Variants in FNDC1 observed in about 807,000 individuals in gnomAD.
FNDC1 encodes the protein fibronectin type III domain containing 1, also known as fibronectin type III domain-containing protein 1.
FNDC1 carries 96 observed loss-of-function variants against 168.0 expected under a neutral mutation model. The observed-to-expected ratio is 0.57, with a 90% CI of 0.48 to 0.68. The LOEUF (loss-of-function observed/expected upper bound fraction) is 0.68, where lower values mean the gene tolerates loss of function less well. Among genes scored for constraint, FNDC1 ranks in the 30% least tolerant of loss-of-function variants. The pLI, the probability that FNDC1 is intolerant of heterozygous loss-of-function variation, is 0.00. For missense variants in FNDC1, 2,587 were observed against 2,482.1 expected (o/e 1.04, Z -0.90); for synonymous variants, 1,099 against 1,025.9 (o/e 1.07, Z -1.36).
At chr6:159,252,609 G>T (rs1396479688) in intron 17 of FNDC1, among the ~76,000 whole-genome samples, 1 of 152,158 alleles carries the variant, frequency 6.6e-6, no homozygotes, top group Non-Finnish European at 1.5e-5. Flanking sequence ...TGCAGTCCTG[G>T]GTAGGTGCTA....
chr6:159,258,999 T>C (rs1188272892), intron 18 of FNDC1, among the ~76,000 whole-genome samples: 1 of 152,210 alleles, frequency 6.6e-6, no homozygotes, highest in African/African-American at 2.4e-5. Context: ...GTGAGCATTG[T>C]CTACCTTAGT....
In FNDC1 at chr6:159,266,106, A is replaced by G; in HGVS notation, c.5307A>G (p.Pro1769=). Residue 1769 remains proline, a synonymous_variant, in exon 21 of 23, where the codon CCA becomes CCG. Coordinates refer to ENST00000297267, the MANE Select transcript of FNDC1 (RefSeq NM_032532.3). ...RPPGGEPIWI[P]FAFKHDPSYT... The stretch of plus-strand genomic sequence containing the variant: ...AAGGCGGTGAGCCTATCTGGATCCC[A>G]TTCGCTTTCAAACATGATCCCAGCT... 1.2e-6 allele frequency: 2 copies of G among 1,613,890 alleles called. No individual in the cohort carries two copies. Among genetic ancestry groups the G allele is most frequent in the Non-Finnish European group, 1.7e-6 (2 of 1,179,794 alleles).
At chr6:159,213,374 G>A (rs887642883) in intron 4 of FNDC1, among the ~76,000 whole-genome samples, 3 of 152,178 alleles carry the variant, frequency 2.0e-5, no homozygotes, top group Non-Finnish European at 2.9e-5. Context: ...CAGGGACCCC[G>A]ACCCTCAGGA....
In FNDC1 at chr6:159,272,033, A is replaced by G. The variant is rs186430570; in HGVS notation, c.*591A>G. The G allele has an allele frequency of 2.6e-5, 4 of 152,878 alleles. No individual in the cohort carries two copies. Among genetic ancestry groups the G allele is most frequent in the East Asian group, 3.9e-4 (2 of 5,192 alleles). The allele number at this position is 152,878 out of a possible 1,614,324, so 9.5% of individuals were successfully genotyped here. ...ATTCTCAATTTTGATATATATATGT[A>G]TATATGCATATACATATCCACACTT... On this transcript the variant is annotated 3_prime_UTR_variant, in exon 23 of 23. Coordinates refer to ENST00000297267, the MANE Select transcript of FNDC1 (RefSeq NM_032532.3).
chr6:159,252,198 A>C (rs1160243836), intron 17 of FNDC1, among the ~76,000 whole-genome samples: 1 of 152,056 alleles, frequency 6.6e-6, no homozygotes, highest in Non-Finnish European at 1.5e-5. Context: ...AAGAGAATTG[A>C]TATTTTCTGT....
intron 4 of FNDC1, among the ~76,000 whole-genome samples, chr6:159,213,275 G>C (rs2114965168): frequency 6.6e-6 from 1 of 152,260 alleles, no homozygotes; most frequent in East Asian, 1.9e-4. Context: ...GCATGGTGCA[G>C]GACAGAGCCA....
chr6:159,249,521 A>G (rs1159900981), intron 16 of FNDC1, among the ~76,000 whole-genome samples: 2 of 152,190 alleles, frequency 1.3e-5, no homozygotes, highest in African/African-American at 4.8e-5. Context: ...AAGACTTACC[A>G]CTGGGCCTTG....
chr6:159,199,527 C>T (rs1199992570), intron 2 of FNDC1, among the ~76,000 whole-genome samples: 2 of 152,152 alleles, frequency 1.3e-5, no homozygotes, highest in African/African-American at 4.8e-5. Context: ...GTGAAGATTT[C>T]CCATGTGCTA....
chr6:159,189,125 C>T (rs1782074235), intron 1 of FNDC1, among the ~76,000 whole-genome samples: 1 of 152,136 alleles, frequency 6.6e-6, no homozygotes, highest in Non-Finnish European at 1.5e-5. Flanking sequence ...ATGGCAAAAA[C>T]CCAACTTGAG....
intron 1 of FNDC1, among the ~76,000 whole-genome samples, chr6:159,187,563 A>T (rs1782029418): frequency 6.6e-6 from 1 of 152,194 alleles, no homozygotes; most frequent in Non-Finnish European, 1.5e-5. Flanking sequence ...GGTTCTTTTC[A>T]TACCCAGACT....
In FNDC1 at chr6:159,266,366, C is replaced by T. The variant is rs1028715446; in HGVS notation, c.5446+121C>T. 3.8e-6 allele frequency: 4 copies of T among 1,051,416 alleles called. No individual in the cohort carries two copies. The African/African-American group carries it at 6.3e-5, about 17-fold the overall frequency. The allele number at this position is 1,051,416 out of a possible 1,614,324, so 65.1% of individuals were successfully genotyped here. On this transcript the variant is annotated intron_variant, in intron 21 of 22. Coordinates refer to ENST00000297267, the MANE Select transcript of FNDC1 (RefSeq NM_032532.3). ...GGGCTGGAGCTACGACTATGGCTCA[C>T]TCTGCCTCTAATACAAACCAATTTT...
chr6:159,175,103 C>T (rs940929444), intron 1 of FNDC1, among the ~76,000 whole-genome samples: 3 of 152,014 alleles, frequency 2.0e-5, no homozygotes, highest in South Asian at 2.1e-4. Context: ...TACATGTGGA[C>T]GAAATGATTT....
At chr6:159,174,638 A>C (rs1289072825) in intron 1 of FNDC1, among the ~76,000 whole-genome samples, 1 of 152,262 alleles carries the variant, frequency 6.6e-6, no homozygotes, top group Non-Finnish European at 1.5e-5. Flanking sequence ...TTCTTCATAT[A>C]TTAAATGGGA....
intron 4 of FNDC1, among the ~76,000 whole-genome samples, chr6:159,210,143 C>G (rs1782568957): frequency 6.6e-6 from 1 of 152,182 alleles, no homozygotes; most frequent in African/African-American, 2.4e-5. Context: ...CCTGGTGCTG[C>G]CCACCACATC....
Position 159,233,604 on chromosome 6 carries a change from C to A in FNDC1, c.3092C>A (p.Pro1031His), listed in dbSNP as rs999662036. The change falls in exon 11 of 23, where the codon CCC becomes CAC. Residue 1031 changes from proline to histidine, a missense_variant. Transcript: ENST00000297267. This position sits in a 1 kb window ranked among gnomAD's most constrained non-coding sequence, Gnocchi z 4.6. ...GACGCGGGTCGGTCACCTTCCCAGC[C>A]CAGGCTCTCACTGACCCAGGCCGGG... ...SRDAGRSPSQPRLSLTQAGRP... is the reference protein window; with the variant it reads ...SRDAGRSPSQHRLSLTQAGRP... 6.3e-7 allele frequency: 1 copy of A among 1,577,726 alleles called. No homozygotes were observed. Among genetic ancestry groups the A allele is most frequent in the South Asian group, 1.2e-5 (1 of 86,526 alleles).
At position 159,234,443 on chromosome 6, in the gene FNDC1, C is replaced by T. The variant is rs780225056; in HGVS notation, c.3931C>T (p.Leu1311Phe). 6 of 1,613,444 alleles carry T rather than the reference C, an allele frequency of 3.7e-6. No individual in the cohort carries two copies. In the African/African-American group the frequency reaches 8.0e-5, roughly 22 times the overall value. The change falls in exon 11 of 23, where the codon CTC becomes TTC. Residue 1311 changes from leucine (L) to phenylalanine (F), a missense_variant. Physicochemically the swap from Leu to Phe is conservative, Grantham distance 22. Transcript: ENST00000297267. ...RMMHARFRNPLSRQPARPSYR... is the reference protein window; with the variant it reads ...RMMHARFRNPFSRQPARPSYR... ...GATGCATGCCAGATTCCGTAACCCT[C>T]TCTCCCGACAGCCTGCCAGACCCTC...
chr6:159,191,232 G>A (rs1012269972), intron 1 of FNDC1, among the ~76,000 whole-genome samples: 6 of 152,172 alleles, frequency 3.9e-5, no homozygotes, highest in African/African-American at 1.2e-4. Context: ...AATTCAACAT[G>A]AGATTTGGGT....
rs1006702563 is a variant in FNDC1, at chr6:159,263,655, G to A, written c.5255-1320G>A. On this transcript the variant is annotated intron_variant, in intron 19 of 22. Transcript: ENST00000297267. ...CGGGCGCCTGTAGTCCCAGCTACTCGGGAGACTGAGGCAGGAGAATGGCGT... is the reference window on the plus strand; with the variant it reads ...CGGGCGCCTGTAGTCCCAGCTACTCAGGAGACTGAGGCAGGAGAATGGCGT... Among the ~76,000 whole-genome samples, 7 of 152,110 alleles carry A rather than the reference G, an allele frequency of 4.6e-5. No individual in the cohort carries two copies. In the South Asian group the frequency reaches 1.2e-3, roughly 27 times the overall value.
In FNDC1 at chr6:159,199,989, G is replaced by T; in HGVS notation, c.305-7G>T. 6.3e-7 allele frequency: 1 copy of T among 1,599,814 alleles called. No homozygotes were observed. Among genetic ancestry groups the T allele is most frequent in the Non-Finnish European group, 8.5e-7 (1 of 1,172,526 alleles). The stretch of plus-strand genomic sequence containing the variant: ...ATTGGTGGCTTGATATGAACCGTAT[G>T]TTTCAGAGCCGGGGGTAGTGTACTT... On this transcript the variant is annotated splice_polypyrimidine_tract_variant and splice_region_variant and intron_variant, in intron 2 of 22. Transcript: ENST00000297267.
Sources: allele counts gnomAD v4.1 joint callset (sites outside exome capture counted in the v4.1 genomes callset), GRCh38; gene constraint gnomAD v4.1.1; non-coding constraint Gnocchi (gnomAD v3.1); transcripts MANE v1.5; gene names NCBI Gene and HGNC (gene_info 2026-07-23, HGNC 2026-07-21).